LRP1B: variants seen among roughly 807,000 people sequenced by gnomAD.
LRP1B encodes the protein LDL receptor related protein 1B.
In LRP1B, 217 loss-of-function variants were observed where a neutral mutation model predicts 556.6. The ratio of observed to expected loss-of-function variants is 0.39; its 90% confidence interval spans 0.35 to 0.44. The LOEUF (loss-of-function observed/expected upper bound fraction) is 0.44. LRP1B is among the 20% of genes least tolerant of loss of function. LRP1B has a pLI of 1.00. For missense variants in LRP1B, 5,053 were observed against 5,620.8 expected (o/e 0.90, Z 3.23); for synonymous variants, 2,047 against 1,865.8 (o/e 1.10, Z -2.50).
chr2:140,571,226 T>A (rs1681310559), intron 43 of LRP1B, among the ~76,000 whole-genome samples: 1 of 151,784 alleles, frequency 6.6e-6, no homozygotes, highest in Admixed American at 6.6e-5. Context: ...AGAGTGTCCC[T>A]GTGCATAGAC....
intron 44 of LRP1B, 32 bp downstream of exon 44, chr2:140,541,747 A>C: frequency 6.5e-7 from 1 of 1,530,084 alleles, no homozygotes; most frequent in Non-Finnish European, 9.0e-7. Context: ...TTATACAATG[A>C]AAAAACACAT....
intron 2 of LRP1B, among the ~76,000 whole-genome samples, chr2:141,532,329 A>C (rs1684914737): frequency 1.5e-5 from 1 of 67,666 alleles, no homozygotes; most frequent in Non-Finnish European, 4.6e-5. Context: ...ACTTAAATAA[A>C]TTCTGTTGCT....
intron 14 of LRP1B, 88 bp from the exon 15 acceptor site, chr2:141,005,545 T>C (rs1056160097): frequency 3.7e-5 from 43 of 1,158,086 alleles, no homozygotes; most frequent in Non-Finnish European, 4.7e-5. Context: ...CATACACTTA[T>C]ATATGCTATG....
At chr2:141,475,830 C>T (rs1682684675) in intron 3 of LRP1B, among the ~76,000 whole-genome samples, 1 of 152,108 alleles carries the variant, frequency 6.6e-6, no homozygotes, top group African/African-American at 2.4e-5. Context: ...CCCACACCAT[C>T]CCTTTTCCAG....
intron 85 of LRP1B, among the ~76,000 whole-genome samples, chr2:140,272,310 A>G (rs1682500252): frequency 6.7e-6 from 1 of 149,366 alleles, no homozygotes; most frequent in Non-Finnish European, 1.5e-5. Context: ...GTGATGTATC[A>G]CTTTCCAAAA....
intron 66 of LRP1B, among the ~76,000 whole-genome samples, chr2:140,412,771 C>T (rs7593072): frequency 0.23 from 35,000 of 151,786 alleles, 4,959 homozygotes; most frequent in African/African-American, 0.41. Flanking sequence ...AAATGTTTGC[C>T]GTTTTTTACA....
At chr2:141,667,298 G>T (rs1690480472) in intron 2 of LRP1B, among the ~76,000 whole-genome samples, 1 of 152,082 alleles carries the variant, frequency 6.6e-6, no homozygotes. Flanking sequence ...ATTTCAATTA[G>T]GATTTCCCCC....
At chr2:140,248,143 C>T (rs1406978930) in intron 86 of LRP1B, among the ~76,000 whole-genome samples, 1 of 151,668 alleles carries the variant, frequency 6.6e-6, no homozygotes, top group African/African-American at 2.4e-5. Flanking sequence ...ATTTTGATAT[C>T]TGAGGCTGCT....
chr2:141,293,214 T>C (rs1161270065), intron 3 of LRP1B, among the ~76,000 whole-genome samples: 1 of 152,118 alleles, frequency 6.6e-6, no homozygotes, highest in Non-Finnish European at 1.5e-5. Context: ...AAATTCACAA[T>C]AGAAAAGGAG....
At chr2:141,794,740 G>A (rs1247927732) in intron 2 of LRP1B, among the ~76,000 whole-genome samples, 1 of 151,870 alleles carries the variant, frequency 6.6e-6, no homozygotes, top group East Asian at 1.9e-4. Flanking sequence ...TATAATTGAT[G>A]TCTTATAGTT....
intron 17 of LRP1B, among the ~76,000 whole-genome samples, chr2:140,985,211 ACTAGAGCATAG>A (rs967529173): frequency 3.9e-5 from 6 of 152,152 alleles, no homozygotes; most frequent in Admixed American, 3.9e-4. Flanking sequence ...CCAAGAGGAG[ACTAGAGCATAG>A]CACTATTCCT....
chr2:141,514,215 C>A (rs1387224105), intron 2 of LRP1B, among the ~76,000 whole-genome samples: 1 of 152,140 alleles, frequency 6.6e-6, no homozygotes, highest in African/African-American at 2.4e-5. Flanking sequence ...CCTGTGACCC[C>A]ATAGAGCTGG....
At chr2:141,931,801 C>A (rs890362666) in intron 1 of LRP1B, among the ~76,000 whole-genome samples, 1 of 151,796 alleles carries the variant, frequency 6.6e-6, no homozygotes, top group Non-Finnish European at 1.5e-5. Flanking sequence ...TTTCAAAATG[C>A]GTGGGATTTT....
At chr2:141,322,030 C>A (rs970714028) in intron 3 of LRP1B, among the ~76,000 whole-genome samples, 1 of 151,942 alleles carries the variant, frequency 6.6e-6, no homozygotes, top group African/African-American at 2.4e-5. Context: ...AGGCAATGGC[C>A]CCTTCTTCAG....
At chr2:140,911,867 A>G (rs1694429516) in intron 21 of LRP1B, among the ~76,000 whole-genome samples, 1 of 151,806 alleles carries the variant, frequency 6.6e-6, no homozygotes. Flanking sequence ...GTTTCAACAG[A>G]TATATCTATA....
intron 1 of LRP1B, among the ~76,000 whole-genome samples, chr2:141,915,230 C>A (rs773569410): frequency 6.6e-6 from 1 of 152,112 alleles, no homozygotes; most frequent in Non-Finnish European, 1.5e-5. Flanking sequence ...ACAGTCAACA[C>A]AAATATGCAA....
chr2:140,345,214 A>G (rs1268885077), intron 77 of LRP1B, among the ~76,000 whole-genome samples: 6 of 151,798 alleles, frequency 4.0e-5, no homozygotes, highest in Non-Finnish European at 8.8e-5. Context: ...TTTCTAAATG[A>G]GTAGGAAATC....
At chr2:141,548,945 G>C (rs1028278576) in intron 2 of LRP1B, among the ~76,000 whole-genome samples, 1 of 150,780 alleles carries the variant, frequency 6.6e-6, no homozygotes, top group Non-Finnish European at 1.5e-5. Flanking sequence ...AAACGTTGCT[G>C]GTTAAAAAAA....
intron 3 of LRP1B, among the ~76,000 whole-genome samples, chr2:141,387,095 A>G (rs1689858924): frequency 6.6e-6 from 1 of 152,144 alleles, no homozygotes; most frequent in African/African-American, 2.4e-5. Flanking sequence ...AGACTTTAAC[A>G]ACCAATGAGT....
Sources: allele counts gnomAD v4.1 joint callset (sites outside exome capture counted in the v4.1 genomes callset), GRCh38; gene constraint gnomAD v4.1.1; transcripts MANE v1.5; gene names NCBI Gene and HGNC (gene_info 2026-07-23, HGNC 2026-07-21).